SSC5D: variants seen among roughly 807,000 people sequenced by gnomAD.
SSC5D encodes soluble scavenger receptor cysteine-rich domain-containing protein SSC5D.
Under a neutral mutation model 104.6 loss-of-function variants are expected in SSC5D, and 106 were observed. The observed-to-expected ratio is 1.01, with a 90% CI of 0.87 to 1.19. The LOEUF (loss-of-function observed/expected upper bound fraction) is 1.19. Ranked by LOEUF, SSC5D falls within the 50% of genes most tolerant of loss-of-function variation. The pLI, the probability that SSC5D is intolerant of heterozygous loss-of-function variation, is 0.00. For synonymous variants in SSC5D, 860 were observed against 883.5 expected, an observed-to-expected ratio of 0.97 and a Z score of 0.47; for missense variants, 1,993 against 2,153.8, an observed-to-expected ratio of 0.93 and a Z score of 1.48.
chr19:55,514,436 TAATAATAATAATAA>T (rs773916706), intron 13 of SSC5D, among the ~76,000 whole-genome samples: 1 of 72,228 alleles, frequency 1.4e-5, no homozygotes, highest in Non-Finnish European at 2.3e-5. Context: ...ATAATAATAA[TAATAATAATAATAA>T]TAATAATAGG....
At chr19:55,506,991 A>G (rs1987649788) in intron 12 of SSC5D, among the ~76,000 whole-genome samples, 1 of 150,618 alleles carries the variant, frequency 6.6e-6, no homozygotes, top group African/African-American at 2.4e-5. Flanking sequence ...ACATGGCGAA[A>G]CCCTGTCTCT....
chr19:55,512,512 C>T (rs1187564057), intron 12 of SSC5D, among the ~76,000 whole-genome samples: 3 of 148,386 alleles, frequency 2.0e-5, no homozygotes, highest in Admixed American at 6.7e-5. Flanking sequence ...GGCGGTGTCT[C>T]GCTCTGTCAC....
intron 12 of SSC5D, 36 bp from the exon 13 acceptor site, chr19:55,512,975 T>C (rs545864079): frequency 8.4e-6 from 13 of 1,550,948 alleles, no homozygotes; most frequent in South Asian, 8.3e-5. Flanking sequence ...CAAAGGGAAG[T>C]TGGAAGACTC....
chr19:55,495,233 A>ATTTTTTTTTTTTTTT (rs74181759), intron 8 of SSC5D, among the ~76,000 whole-genome samples: 1 of 50,668 alleles, frequency 2.0e-5, no homozygotes, highest in African/African-American at 9.8e-5. Context: ...ATATATATAT[A>ATTTTTTTTTTTTTTT]TTTTTTTTTT....
chr19:55,493,379 C>G (rs372291099), intron 6 of SSC5D, among the ~76,000 whole-genome samples: 17 of 147,984 alleles, frequency 1.1e-4, no homozygotes, highest in East Asian at 6.1e-4. Flanking sequence ...GCGTCCCCAG[C>G]CCCCACCGCC....
Position 55,495,234 on chromosome 19 carries a change from T to TATATATATATATATATATATATA in SSC5D, c.1387+451_1387+452insATATATATATATATATATATATA, listed in dbSNP as rs56232242. Among the ~76,000 whole-genome samples, 30 of 22,220 alleles carry TATATATATATATATATATATATA rather than the reference T, an allele frequency of 1.4e-3. 2 individuals carry two copies. The highest frequency in any genetic ancestry group is 1.7e-3 in the African/African-American group (12 of 7,058). 14.6% of individuals were successfully genotyped at this position (22,220 alleles called of 152,430 possible). A position where few individuals can be genotyped will look rare whatever the true frequency, so the allele number is the denominator to read the frequency against. The stretch of plus-strand genomic sequence containing the variant: ...CTCCTTTCATATATATATATATATA[T>TATATATATATATATATATATATA]TTTTTTTTTTTTTTTTTTTTTTTTT... On this transcript the variant is annotated intron_variant, in intron 8 of 13. Transcript: ENST00000389623.
intron 12 of SSC5D, among the ~76,000 whole-genome samples, chr19:55,505,563 G>A (rs1301711119): frequency 1.3e-5 from 2 of 151,696 alleles, no homozygotes; most frequent in African/African-American, 4.9e-5. Flanking sequence ...GGTTCCCTTT[G>A]GAAGGCTCTA....
intron 12 of SSC5D, among the ~76,000 whole-genome samples, chr19:55,506,700 T>A (rs1987644925): frequency 6.6e-6 from 1 of 152,068 alleles, no homozygotes; most frequent in Admixed American, 6.6e-5. Context: ...GGCCGGAGTT[T>A]GGATTTTTAT....
rs1476333358 is a variant in SSC5D at position 55,503,949 on chromosome 19, C to A, written c.2785+2748C>A. On this transcript the variant is annotated intron_variant, in intron 12 of 13. Coordinates refer to ENST00000389623, the MANE Select transcript of SSC5D (RefSeq NM_001144950.2). This position sits in a 1 kb window ranked among gnomAD's most constrained non-coding sequence, Gnocchi z 4.0. ...AGGCGCGCTGCGCCTCCTGATTGGC[C>A]AGCCGGCGCATCGCCCGCAGTAATA... Among the ~76,000 whole-genome samples, 1 of 152,240 alleles carries A rather than the reference C, an allele frequency of 6.6e-6. No homozygotes were observed. The highest frequency in any genetic ancestry group is 1.5e-5 in the Non-Finnish European group (1 of 68,036).
chr19:55,490,570 G>A (rs1375251840), intron 5 of SSC5D, among the ~76,000 whole-genome samples, 162 bp downstream of exon 5: 1 of 152,130 alleles, frequency 6.6e-6, no homozygotes, highest in South Asian at 2.1e-4. Context: ...GCCAGGCCTG[G>A]TCTCCCCTCT....
At chr19:55,507,749 A>T (rs539179432) in intron 12 of SSC5D, among the ~76,000 whole-genome samples, 7 of 151,020 alleles carry the variant, frequency 4.6e-5, no homozygotes, top group African/African-American at 1.7e-4. Flanking sequence ...TGAGGCCCTG[A>T]GGTGGGTGCA....
chr19:55,491,471 C>T (rs577041594), intron 6 of SSC5D: 43 of 194,212 alleles, frequency 2.2e-4, no homozygotes, highest in South Asian at 2.0e-3. Context: ...GGGACCGTCT[C>T]GGAGACCTCT....
rs1314487387 is a variant in SSC5D at position 55,518,288 on chromosome 19, A to G, written c.4012A>G (p.Thr1338Ala). Reference sequence around the variant, plus strand: ...CCCTTCCTCAACCCCTGTCATCACTACTGTGTCCCTTCCAACCTCCTTGGG... The same window carrying G: ...CCCTTCCTCAACCCCTGTCATCACTGCTGTGTCCCTTCCAACCTCCTTGGG... ...PDPSSTPVIT[T>A]VSLPTSLGTE... is the part of the protein sequence containing the mutation. Residue 1338 changes from threonine to alanine, a missense_variant, in exon 14 of 14, where the codon ACT (threonine) becomes GCT (alanine). By Grantham distance (58) the Thr-to-Ala change is moderately conservative. Around this residue, in one of 6 missense-constraint regions of SSC5D, gnomAD observed 349 missense variants for 397.6 expected, o/e 0.88. Coordinates refer to ENST00000389623, the MANE Select transcript of SSC5D (RefSeq NM_001144950.2). The G allele has an allele frequency of 2.0e-5, 31 of 1,548,576 alleles. No homozygotes were observed. Among genetic ancestry groups the G allele is most frequent in the Non-Finnish European group, 2.7e-5 (31 of 1,146,482 alleles).
At chr19:55,508,129 A>G (rs1401345918) in intron 12 of SSC5D, among the ~76,000 whole-genome samples, 1 of 152,184 alleles carries the variant, frequency 6.6e-6, no homozygotes, top group Non-Finnish European at 1.5e-5. Flanking sequence ...CTGGAGGTCC[A>G]GGGAGCGCCT....
Position 55,498,212 on chromosome 19 carries a change from G to A in SSC5D, c.1705+15G>A. 1 of 1,551,452 alleles carries A rather than the reference G, an allele frequency of 6.4e-7. No individual in the cohort carries two copies. The highest frequency in any genetic ancestry group is 1.4e-5 in the African/African-American group (1 of 73,152). ...CACCTGCACTGGTAAGGAGGCCCTA[G>A]CTATCTGTTGACTCCAGGAGGGCTT... On this transcript the variant is annotated intron_variant, in intron 9 of 13. Transcript: ENST00000389623.
rs1201312134 is a variant in SSC5D, at chr19:55,494,037, C to G, written c.1213+125C>G. The G allele has an allele frequency of 5.4e-6, 5 of 927,654 alleles. No individual in the cohort carries two copies. The Admixed American group carries it at 1.0e-4, about 19-fold the overall frequency. 57.5% of individuals were successfully genotyped at this position (927,654 alleles called of 1,614,324 possible). A position where few individuals can be genotyped will look rare whatever the true frequency, so the allele number is the denominator to read the frequency against. On this transcript the variant is annotated intron_variant, in intron 7 of 13. Transcript: ENST00000389623. Reference sequence around the variant, plus strand: ...TGCCCTCTCTCCGGACTTTCCACTCCCCCATCTTATTCCCCTCTGAATCCT... The same window carrying G: ...TGCCCTCTCTCCGGACTTTCCACTCGCCCATCTTATTCCCCTCTGAATCCT...
intron 12 of SSC5D, among the ~76,000 whole-genome samples, chr19:55,505,738 T>A (rs1987623691): frequency 6.6e-6 from 1 of 151,674 alleles, no homozygotes; most frequent in Non-Finnish European, 1.5e-5. Context: ...GTTCTCTGAT[T>A]TTATTTATTT....
In SSC5D at chr19:55,500,988, T is replaced by G; in HGVS notation, c.2618-46T>G. 6.5e-7 allele frequency: 1 copy of G among 1,549,496 alleles called. No individual in the cohort carries two copies. The highest frequency in any genetic ancestry group is 8.7e-7 in the Non-Finnish European group (1 of 1,145,704). ...GGAGGGAAGAGCAGCAGCAAGGACC[T>G]CTGAGAAAGAGGATGGGGTCAACCA... On this transcript the variant is annotated intron_variant, in intron 11 of 13. Coordinates refer to ENST00000389623, the MANE Select transcript of SSC5D (RefSeq NM_001144950.2). This position sits in a 1 kb window ranked among gnomAD's most constrained non-coding sequence, Gnocchi z 4.6.
intron 13 of SSC5D, 98 bp from the exon 14 acceptor site, chr19:55,517,126 C>G (rs1003670670): frequency 2.6e-6 from 3 of 1,149,296 alleles, no homozygotes; most frequent in Non-Finnish European, 3.6e-6. Context: ...AGGCTCTGTG[C>G]CTTTCCATTG....
Sources: allele counts gnomAD v4.1 joint callset (sites outside exome capture counted in the v4.1 genomes callset), GRCh38; gene constraint gnomAD v4.1.1; regional missense constraint gnomAD v4.1.1; non-coding constraint Gnocchi (gnomAD v3.1); transcripts MANE v1.5; gene names NCBI Gene and HGNC (gene_info 2026-07-23, HGNC 2026-07-21).